The following PGCKA1 variants were observed in gnomAD, a reference collection of about 807,000 sequenced individuals.
The protein encoded by PGCKA1 is PDCD10 and GCKIII kinases associated 1, also known as PDCD10 and GCKIII kinases-associated protein 1.
At chr4:37,454,329 G>A in the PGCKA1 span, among the ~76,000 whole-genome samples, 1 of 152,136 alleles carries the variant, frequency 6.6e-6, no homozygotes, top group African/African-American at 2.4e-5. Context: ...TGTAAAGCTT[G>A]GCGTTTAATT....
chr4:37,527,234 A>G, the PGCKA1 span, among the ~76,000 whole-genome samples: 89,722 of 152,044 alleles, frequency 0.59, 27,105 homozygotes, highest in African/African-American at 0.69. Context: ...TTTAGTAATT[A>G]AAAAGTTTAT....
chr4:37,576,136 G>T, the PGCKA1 span, among the ~76,000 whole-genome samples: 1 of 151,714 alleles, frequency 6.6e-6, no homozygotes, highest in Non-Finnish European at 1.5e-5. Context: ...GTGAAGAAAT[G>T]TTGATAGAGA....
chr4:37,529,945 A>T, the PGCKA1 span, among the ~76,000 whole-genome samples: 1 of 152,332 alleles, frequency 6.6e-6, no homozygotes, highest in African/African-American at 2.4e-5. Flanking sequence ...AAAATAATGT[A>T]AGCCTTTTTG....
chr4:37,577,252 T>A, the PGCKA1 span, among the ~76,000 whole-genome samples: 1 of 152,002 alleles, frequency 6.6e-6, no homozygotes, highest in South Asian at 2.1e-4. Context: ...ACAACTTTGA[T>A]CTTGTTATTG....
the PGCKA1 span, among the ~76,000 whole-genome samples, chr4:37,592,393 A>G: frequency 9.3e-4 from 139 of 150,210 alleles, 2 homozygotes; most frequent in East Asian, 0.025. Context: ...ACAAAATTAT[A>G]CTCAAGGAAG....
the PGCKA1 span, among the ~76,000 whole-genome samples, chr4:37,485,201 T>A: frequency 6.6e-6 from 1 of 152,168 alleles, no homozygotes; most frequent in Admixed American, 6.5e-5. Context: ...CTGCTTGTTT[T>A]CTGATCAGGT....
chr4:37,507,890 G>A, the PGCKA1 span, among the ~76,000 whole-genome samples: 1 of 152,144 alleles, frequency 6.6e-6, no homozygotes, highest in Non-Finnish European at 1.5e-5. Flanking sequence ...CTCAGCTTTT[G>A]TTTTTCTGGG....
At chr4:37,558,443 C>T in the PGCKA1 span, among the ~76,000 whole-genome samples, 690 of 152,248 alleles carry the variant, frequency 4.5e-3, 5 homozygotes, top group Non-Finnish European at 7.2e-3. Flanking sequence ...GTCCCGGGAC[C>T]TACGGCATCA....
chr4:37,572,530 T>C, the PGCKA1 span, among the ~76,000 whole-genome samples: 3 of 152,216 alleles, frequency 2.0e-5, no homozygotes, highest in Non-Finnish European at 2.9e-5. Flanking sequence ...CACAATTTTT[T>C]TTCTGAATCA....
the PGCKA1 span, among the ~76,000 whole-genome samples, chr4:37,459,697 G>C: frequency 6.6e-6 from 1 of 151,856 alleles, no homozygotes; most frequent in Admixed American, 6.6e-5. Flanking sequence ...GGATCTCCCA[G>C]ATGATTGCAT....
the PGCKA1 span, among the ~76,000 whole-genome samples, chr4:37,522,598 G>A: frequency 7.9e-5 from 12 of 151,704 alleles, no homozygotes; most frequent in East Asian, 1.9e-4. Flanking sequence ...TACCTGAAGC[G>A]AGCAAATCTC....
At chr4:37,586,901 C>T in the PGCKA1 span, among the ~76,000 whole-genome samples, 4 of 152,130 alleles carry the variant, frequency 2.6e-5, no homozygotes, top group African/African-American at 9.7e-5. Flanking sequence ...CAGAGTGAGG[C>T]TCTGTCTCAA....
chr4:37,536,615 C>T, the PGCKA1 span, among the ~76,000 whole-genome samples: 1 of 152,132 alleles, frequency 6.6e-6, no homozygotes, highest in Non-Finnish European at 1.5e-5. Flanking sequence ...TCATCAGGTA[C>T]TTTCTTTATC....
the PGCKA1 span, among the ~76,000 whole-genome samples, chr4:37,475,427 A>G: frequency 6.6e-6 from 1 of 152,168 alleles, no homozygotes; most frequent in Admixed American, 6.6e-5. Context: ...GCCAGGTACA[A>G]GCTAAAGATT....
the PGCKA1 span, among the ~76,000 whole-genome samples, chr4:37,490,502 C>T: frequency 1.3e-5 from 2 of 152,076 alleles, no homozygotes; most frequent in Admixed American, 6.6e-5. Flanking sequence ...TAGTAGTTTC[C>T]TTTCTTTGTC....
At chr4:37,523,072 GGCCT>G in the PGCKA1 span, among the ~76,000 whole-genome samples, 1 of 152,108 alleles carries the variant, frequency 6.6e-6, no homozygotes, top group Admixed American at 6.5e-5. Context: ...CAGTCCTTAT[GGCCT>G]AGCCTGCCTT....
chr4:37,510,924 C>A, the PGCKA1 span, among the ~76,000 whole-genome samples: 1 of 151,842 alleles, frequency 6.6e-6, no homozygotes, highest in Non-Finnish European at 1.5e-5. Flanking sequence ...CCAAGTCACA[C>A]AGCCATTCCC....
At chr4:37,571,364 T>C in the PGCKA1 span, among the ~76,000 whole-genome samples, 27 of 125,128 alleles carry the variant, frequency 2.2e-4, no homozygotes, top group African/African-American at 7.5e-4. Context: ...CCTTTTTTTT[T>C]TTTTTTTTTT....
At chr4:37,586,041 G>C in the PGCKA1 span, among the ~76,000 whole-genome samples, 1 of 150,554 alleles carries the variant, frequency 6.6e-6, no homozygotes, top group African/African-American at 2.4e-5. Context: ...TTTTCTTTTT[G>C]GGGGGTGTGT....
Sources: allele counts gnomAD v4.1 joint callset (sites outside exome capture counted in the v4.1 genomes callset), GRCh38; gene constraint gnomAD v4.1.1; transcripts MANE v1.5; gene names NCBI Gene and HGNC (gene_info 2026-07-23, HGNC 2026-07-21).